Variants in JAKMIP1 observed in about 807,000 individuals in gnomAD.
JAKMIP1 encodes the protein janus kinase and microtubule interacting protein 1.
In JAKMIP1, 33 loss-of-function variants were observed where a neutral mutation model predicts 113.0. That is an observed-to-expected ratio of 0.29 (90% CI 0.22 to 0.39). The LOEUF (loss-of-function observed/expected upper bound fraction) is 0.39. JAKMIP1 is among the 10% of genes least tolerant of loss of function. The probability of loss-of-function intolerance (pLI) is 1.00; values close to 1 mark genes in which losing one functional copy is unlikely to be tolerated. For missense variants in JAKMIP1, 813 were observed against 1,080.5 expected (o/e 0.75, Z 3.47); for synonymous variants, 480 against 459.9 (o/e 1.04, Z -0.56).
chr4:6,108,309 C>T lies in JAKMIP1; in HGVS notation c.130-2342G>A, dbSNP rs1044585694. On this transcript the variant is annotated intron_variant, in intron 2 of 20. Transcript: ENST00000409021. The surrounding 1 kb of genome is among the most constrained non-coding windows in gnomAD (Gnocchi z 5.6). ...CCACCACTCCATCCAGCTGAGCAGG[C>T]CAAAAAAAGCCGCCCAGCACTTTAC... Among the ~76,000 whole-genome samples, 1 of 152,064 alleles carries T rather than the reference C, an allele frequency of 6.6e-6. No individual in the cohort carries two copies. Among genetic ancestry groups the T allele is most frequent in the African/African-American group, 2.4e-5 (1 of 41,414 alleles).
Position 6,136,339 on chromosome 4 carries a change from G to A in JAKMIP1, c.-147-23342C>T, listed in dbSNP as rs7687079. On this transcript the variant is annotated intron_variant, in intron 1 of 20. Transcript: ENST00000409021. The surrounding 1 kb of genome is among the most constrained non-coding windows in gnomAD (Gnocchi z 5.9). ...TATTTCAGTCTGCTTGAACCCAAAAGACCATGGGAATATTTAAGTACTTCT... is the reference window on the plus strand; with the variant it reads ...TATTTCAGTCTGCTTGAACCCAAAAAACCATGGGAATATTTAAGTACTTCT... Among the ~76,000 whole-genome samples, 88,088 of 151,858 alleles carry A rather than the reference G, an allele frequency of 0.58. 25,602 individuals are homozygous for A. Among genetic ancestry groups the A allele is most frequent in the Admixed American group, 0.62 (9,539 of 15,270 alleles).
chr4:6,039,674 T>C (rs1417035150), intron 18 of JAKMIP1, among the ~76,000 whole-genome samples: 1 of 152,164 alleles, frequency 6.6e-6, no homozygotes, highest in Admixed American at 6.5e-5. Context: ...GTTTAGTTCA[T>C]TCTGATCTTC....
rs551278755 is a variant in JAKMIP1, at chr4:6,141,206, C to T, written c.-147-28209G>A. ...ATCCCAACACTTTGGGATGCTGAGG[C>T]AGGCAGATCACTTGAGCCCAGGAAT... On this transcript the variant is annotated intron_variant, in intron 1 of 20. Coordinates refer to ENST00000409021, the MANE Select transcript of JAKMIP1 (RefSeq NM_001099433.2). The surrounding 1 kb of genome is among the most constrained non-coding windows in gnomAD (Gnocchi z 9.4). 3.7e-4 allele frequency among the ~76,000 whole-genome samples: 57 copies of T among 152,304 alleles called. 2 individuals carry two copies. The South Asian group carries it at 0.011, about 30-fold the overall frequency.
In JAKMIP1 at chr4:6,162,122, G is replaced by A. The variant is rs563785476; in HGVS notation, c.-148+38131C>T. Among the ~76,000 whole-genome samples the A allele has an allele frequency of 2.0e-5, 3 of 148,494 alleles. No homozygotes were observed. In the East Asian group the frequency reaches 5.8e-4, roughly 29 times the overall value. On this transcript the variant is annotated intron_variant, in intron 1 of 20. Transcript: ENST00000409021. This position sits in a 1 kb window ranked among gnomAD's most constrained non-coding sequence, Gnocchi z 5.6. ...GGACGGGGTAGATTATGGGCCAGAC[G>A]GGGGGCCAAGAGGTCAGCAGGGCCT...
At position 6,158,318 on chromosome 4, in the gene JAKMIP1, A is replaced by G. The variant is rs1359204670; in HGVS notation, c.-148+41935T>C. 1.3e-5 allele frequency among the ~76,000 whole-genome samples: 2 copies of G among 152,180 alleles called. No individual in the cohort carries two copies. The highest frequency in any genetic ancestry group is 2.9e-5 in the Non-Finnish European group (2 of 68,012). On this transcript the variant is annotated intron_variant, in intron 1 of 20. Coordinates refer to ENST00000409021, the MANE Select transcript of JAKMIP1 (RefSeq NM_001099433.2). The surrounding 1 kb of genome is among the most constrained non-coding windows in gnomAD (Gnocchi z 5.3). ...CAGAACCTAACATCATAGGGATGGT[A>G]GTGGGATGGGGTGGTGTCTGCCTCC...
In JAKMIP1 at chr4:6,138,545, A is replaced by G. The variant is rs1719601791; in HGVS notation, c.-147-25548T>C. Among the ~76,000 whole-genome samples the G allele has an allele frequency of 6.6e-6, 1 of 152,120 alleles. No individual in the cohort carries two copies. On this transcript the variant is annotated intron_variant, in intron 1 of 20. Coordinates refer to ENST00000409021, the MANE Select transcript of JAKMIP1 (RefSeq NM_001099433.2). This position sits in a 1 kb window ranked among gnomAD's most constrained non-coding sequence, Gnocchi z 6.0. ...AGCCACTGCACCTGGCCTAGAATCC[A>G]AGTTAAAATTAAAGAGGGACACACA...
intron 1 of JAKMIP1, among the ~76,000 whole-genome samples, chr4:6,198,101 G>A (rs530728594): frequency 1.3e-4 from 20 of 152,308 alleles, no homozygotes; most frequent in South Asian, 2.1e-4. Context: ...ACTGTGTCCC[G>A]TGTCCCCAGT....
intron 19 of JAKMIP1, among the ~76,000 whole-genome samples, chr4:6,030,240 ATGG>A (rs1424642267): frequency 6.7e-6 from 1 of 150,132 alleles, no homozygotes; most frequent in African/African-American, 2.4e-5. Context: ...AGCCTGGGGG[ATGG>A]GGGGAGGGAG....
chr4:6,102,797 G>C (rs1052036250), intron 3 of JAKMIP1, among the ~76,000 whole-genome samples: 1 of 123,868 alleles, frequency 8.1e-6, no homozygotes, highest in Non-Finnish European at 1.6e-5. Flanking sequence ...GCAGTGGCGC[G>C]ATCTCAGCTC....
intron 20 of JAKMIP1, 90 bp from the exon 21 acceptor site, chr4:6,026,368 G>C: frequency 1.4e-6 from 1 of 704,852 alleles, no homozygotes; most frequent in South Asian, 1.8e-5. Context: ...CTCAATGACA[G>C]CATTTTACAA....
At chr4:6,177,447 C>T (rs1425303159) in intron 1 of JAKMIP1, among the ~76,000 whole-genome samples, 3 of 152,192 alleles carry the variant, frequency 2.0e-5, no homozygotes, top group African/African-American at 7.2e-5. Context: ...CCTACTCCAA[C>T]AAGCCCTCCA....
rs1723124290 is a variant in JAKMIP1 at position 6,162,760 on chromosome 4, T to C, written c.-148+37493A>G. 6.6e-6 allele frequency among the ~76,000 whole-genome samples: 1 copy of C among 152,114 alleles called. No individual in the cohort carries two copies. Among genetic ancestry groups the C allele is most frequent in the Non-Finnish European group, 1.5e-5 (1 of 68,026 alleles). ...GAAAGGTTAAGTGACTTGCCCAAGG[T>C]CACCCAGCCAGGAGCCAGGTGTGGG... is the stretch of plus-strand genomic sequence containing the variant. On this transcript the variant is annotated intron_variant, in intron 1 of 20. Coordinates refer to ENST00000409021, the MANE Select transcript of JAKMIP1 (RefSeq NM_001099433.2). This position sits in a 1 kb window ranked among gnomAD's most constrained non-coding sequence, Gnocchi z 5.6.
intron 1 of JAKMIP1, among the ~76,000 whole-genome samples, chr4:6,171,460 C>T (rs1040495773): frequency 4.6e-5 from 7 of 152,062 alleles, no homozygotes; most frequent in Non-Finnish European, 1.5e-5. Context: ...TCACCACCAC[C>T]ATTATCACTA....
chr4:6,193,209 T>C lies in JAKMIP1; in HGVS notation c.-148+7044A>G, dbSNP rs1727470575. Among the ~76,000 whole-genome samples the C allele has an allele frequency of 6.6e-6, 1 of 152,184 alleles. No homozygotes were observed. Among genetic ancestry groups the C allele is most frequent in the Non-Finnish European group, 1.5e-5 (1 of 68,034 alleles). Reference sequence around the variant, plus strand: ...GACTCTTGGACCTACACCAGTGGTTTGCCAGGGGCTCTAAGGCCTTTGGCC... The same window carrying C: ...GACTCTTGGACCTACACCAGTGGTTCGCCAGGGGCTCTAAGGCCTTTGGCC... On this transcript the variant is annotated intron_variant, in intron 1 of 20. Transcript: ENST00000409021. The surrounding 1 kb of genome is among the most constrained non-coding windows in gnomAD (Gnocchi z 6.4).
chr4:6,131,003 G>A (rs572667715), intron 1 of JAKMIP1, among the ~76,000 whole-genome samples: 3 of 151,616 alleles, frequency 2.0e-5, no homozygotes, highest in African/African-American at 7.3e-5. Flanking sequence ...ATGAAACCCT[G>A]TCTCTACAAA....
Position 6,139,059 on chromosome 4 carries a change from C to G in JAKMIP1, c.-147-26062G>C, listed in dbSNP as rs1445681926. Among the ~76,000 whole-genome samples the G allele has an allele frequency of 3.2e-5, 2 of 62,862 alleles. No individual in the cohort carries two copies. The highest frequency in any genetic ancestry group is 8.6e-5 in the African/African-American group (2 of 23,312). 41.2% of individuals were successfully genotyped at this position (62,862 alleles called of 152,430 possible). On this transcript the variant is annotated intron_variant, in intron 1 of 20. Coordinates refer to ENST00000409021, the MANE Select transcript of JAKMIP1 (RefSeq NM_001099433.2). The surrounding 1 kb of genome is among the most constrained non-coding windows in gnomAD (Gnocchi z 5.2). ...TTTGCATGTGACATCATTAGAAACA[C>G]ACACACACACACACACACACACACA...
chr4:6,078,066 T>A (rs911775593), intron 8 of JAKMIP1, among the ~76,000 whole-genome samples: 5 of 151,978 alleles, frequency 3.3e-5, no homozygotes, highest in African/African-American at 1.2e-4. Flanking sequence ...CACATCTCCA[T>A]CAAAAGATAA....
rs1208264866 is a variant in JAKMIP1 at position 6,156,372 on chromosome 4, AAAT to A, written c.-147-43378_-147-43376del. Among the ~76,000 whole-genome samples the A allele has an allele frequency of 6.6e-6, 1 of 152,226 alleles. No homozygotes were observed. The highest frequency in any genetic ancestry group is 1.5e-5 in the Non-Finnish European group (1 of 68,044). ...TTTTCCCATTTCTTTAGTGGTACAA[AAAT>A]AATGATGCATGTCCCAATTGACAGC... On this transcript the variant is annotated intron_variant, in intron 1 of 20. Transcript: ENST00000409021. The surrounding 1 kb of genome is among the most constrained non-coding windows in gnomAD (Gnocchi z 5.0).
intron 16 of JAKMIP1, among the ~76,000 whole-genome samples, chr4:6,045,149 T>C (rs931255900): frequency 1.3e-5 from 2 of 152,242 alleles, no homozygotes; most frequent in African/African-American, 4.8e-5. Flanking sequence ...CGGCCAACTA[T>C]TAGAAAGTCA....
Sources: allele counts gnomAD v4.1 joint callset (sites outside exome capture counted in the v4.1 genomes callset), GRCh38; gene constraint gnomAD v4.1.1; non-coding constraint Gnocchi (gnomAD v3.1); transcripts MANE v1.5; gene names NCBI Gene and HGNC (gene_info 2026-07-23, HGNC 2026-07-21).